Variants in KHDRBS2 observed in about 807,000 individuals in gnomAD.
KHDRBS2 encodes KH RNA binding domain containing, signal transduction associated 2.
In KHDRBS2, 26 loss-of-function variants were observed where a neutral mutation model predicts 44.3. The ratio of observed to expected loss-of-function variants is 0.59; its 90% confidence interval spans 0.43 to 0.81. The LOEUF is 0.81. Ranked by LOEUF, KHDRBS2 falls within the 40% of genes least tolerant of loss-of-function variation. The probability of loss-of-function intolerance (pLI) is 0.00; values close to 1 mark genes in which losing one functional copy is unlikely to be tolerated. For missense variants in KHDRBS2, 476 were observed against 433.1 expected (o/e 1.10, Z -0.88); for synonymous variants, 194 against 151.1 (o/e 1.28, Z -2.08).
At chr6:62,211,087 T>C (rs1293908515) in intron 1 of KHDRBS2, among the ~76,000 whole-genome samples, 2 of 152,096 alleles carry the variant, frequency 1.3e-5, no homozygotes, top group East Asian at 3.9e-4. Flanking sequence ...TGGGATACAA[T>C]ACACCAGAAA....
chr6:61,686,944 T>C (rs1220272274), intron 8 of KHDRBS2, among the ~76,000 whole-genome samples: 2 of 151,580 alleles, frequency 1.3e-5, no homozygotes, highest in Non-Finnish European at 3.0e-5. Flanking sequence ...TTAGCAAGAA[T>C]GTGGGCCGCT....
At chr6:62,244,978 AG>A (rs1401128653) in intron 1 of KHDRBS2, among the ~76,000 whole-genome samples, 1 of 152,110 alleles carries the variant, frequency 6.6e-6, no homozygotes, top group Non-Finnish European at 1.5e-5. Flanking sequence ...AAGAAGGTAA[AG>A]GTGACTTTCT....
intron 3 of KHDRBS2, among the ~76,000 whole-genome samples, chr6:61,988,527 AAC>A (rs1161984044): frequency 2.6e-5 from 4 of 151,864 alleles, no homozygotes; most frequent in African/African-American, 9.7e-5. Context: ...GTGCTTGGAA[AAC>A]AGTGTTGGAA....
chr6:61,707,861 T>A (rs1191677344), intron 7 of KHDRBS2, among the ~76,000 whole-genome samples: 1 of 151,708 alleles, frequency 6.6e-6, no homozygotes, highest in Non-Finnish European at 1.5e-5. Flanking sequence ...ATGGGAAAGA[T>A]AATATATTCT....
In KHDRBS2 at chr6:61,942,248, A is replaced by G. The variant is rs182805155; in HGVS notation, c.483+35818T>C. 6.2e-3 allele frequency among the ~76,000 whole-genome samples: 943 copies of G among 152,314 alleles called. 4 individuals carry two copies. The highest frequency in any genetic ancestry group is 9.7e-3 in the Non-Finnish European group (662 of 68,028). On this transcript the variant is annotated intron_variant, in intron 4 of 8. Transcript: ENST00000281156. ...AGTGCTGATAATATAGGTGTGAGCC[A>G]TCACACTTGGCCAGAATTAAAATTA...
chr6:62,030,778 G>A (rs1784205324), intron 3 of KHDRBS2, among the ~76,000 whole-genome samples: 1 of 152,002 alleles, frequency 6.6e-6, no homozygotes, highest in South Asian at 2.1e-4. Context: ...TTTAACTTTT[G>A]ATGAATAATT....
intron 2 of KHDRBS2, among the ~76,000 whole-genome samples, chr6:62,112,119 T>C (rs1315926746): frequency 6.6e-6 from 1 of 152,112 alleles, no homozygotes; most frequent in Non-Finnish European, 1.5e-5. Flanking sequence ...GGTGCCTCAA[T>C]GGAAAATAAA....
Position 62,242,270 on chromosome 6 carries a change from C to T in KHDRBS2, c.91+43588G>A, listed in dbSNP as rs79730167. Among the ~76,000 whole-genome samples the T allele has an allele frequency of 1.1e-3, 174 of 152,168 alleles. 1 individual carries two copies. Among genetic ancestry groups the T allele is most frequent in the Non-Finnish European group, 2.0e-3 (135 of 67,992 alleles). On this transcript the variant is annotated intron_variant, in intron 1 of 8. Coordinates refer to ENST00000281156, the MANE Select transcript of KHDRBS2 (RefSeq NM_152688.4). ...CTATCTATATCAGCCTAAAGCAGCC[C>T]GGACTATCAAAATCTTAAAATCAGG... is the stretch of plus-strand genomic sequence containing the variant.
chr6:62,027,545 T>G (rs1202305012), intron 3 of KHDRBS2, among the ~76,000 whole-genome samples: 2 of 152,080 alleles, frequency 1.3e-5, no homozygotes, highest in Admixed American at 6.6e-5. Flanking sequence ...CCCCTAAGGA[T>G]GAGGGGCTGA....
At chr6:61,719,575 T>A (rs903821549) in intron 7 of KHDRBS2, among the ~76,000 whole-genome samples, 2 of 152,024 alleles carry the variant, frequency 1.3e-5, no homozygotes, top group African/African-American at 4.8e-5. Context: ...GTATGTGAGT[T>A]CCCCTGGAAA....
At chr6:61,728,692 A>G (rs1044797115) in intron 7 of KHDRBS2, among the ~76,000 whole-genome samples, 2 of 152,182 alleles carry the variant, frequency 1.3e-5, no homozygotes, top group Admixed American at 6.6e-5. Context: ...TTTGCAGTAT[A>G]TGATTTCAAA....
intron 3 of KHDRBS2, among the ~76,000 whole-genome samples, chr6:62,018,365 T>C (rs1781626188): frequency 6.6e-6 from 1 of 151,444 alleles, no homozygotes; most frequent in African/African-American, 2.4e-5. Context: ...CACCCAAATA[T>C]TTTTTATCAA....
chr6:62,069,818 A>G (rs1794567379), intron 2 of KHDRBS2, among the ~76,000 whole-genome samples: 1 of 151,744 alleles, frequency 6.6e-6, no homozygotes, highest in South Asian at 2.1e-4. Context: ...CTCAATTGAG[A>G]ATGGTATCAT....
In KHDRBS2 at chr6:62,143,199, A is replaced by G. The variant is rs146085945; in HGVS notation, c.219+33986T>C. On this transcript the variant is annotated intron_variant, in intron 2 of 8. Transcript: ENST00000281156. The stretch of plus-strand genomic sequence containing the variant: ...TTTCAGTCTTCTGACAATAAAATTT[A>G]TGCAATACCAGTATGACATAAATTT... 3.9e-5 allele frequency among the ~76,000 whole-genome samples: 6 copies of G among 152,044 alleles called. No individual in the cohort carries two copies. In the East Asian group the frequency reaches 1.2e-3, roughly 29 times the overall value.
intron 6 of KHDRBS2, among the ~76,000 whole-genome samples, chr6:61,750,533 G>A (rs181000668): frequency 1.6e-3 from 247 of 152,170 alleles, no homozygotes; most frequent in African/African-American, 5.6e-3. Context: ...TACCAGCACC[G>A]TCAGTTTCGC....
At position 62,209,385 on chromosome 6, in the gene KHDRBS2, T is replaced by C. The variant is rs72870758; in HGVS notation, c.92-32073A>G. On this transcript the variant is annotated intron_variant, in intron 1 of 8. Coordinates refer to ENST00000281156, the MANE Select transcript of KHDRBS2 (RefSeq NM_152688.4). ...ATTTTGTTAAAGGAAATGAGCTTCA[T>C]TTTTGTGATTTACAGCCCATTTCTC... 8.2e-3 allele frequency among the ~76,000 whole-genome samples: 1,252 copies of C among 152,306 alleles called. 12 individuals are homozygous for C. Among genetic ancestry groups the C allele is most frequent in the Non-Finnish European group, 0.012 (802 of 68,020 alleles).
chr6:62,065,239 T>A (rs1043216310), intron 2 of KHDRBS2, among the ~76,000 whole-genome samples: 1 of 152,142 alleles, frequency 6.6e-6, no homozygotes, highest in Non-Finnish European at 1.5e-5. Context: ...TCCTCAGGGA[T>A]CTAGAACTAC....
intron 3 of KHDRBS2, among the ~76,000 whole-genome samples, chr6:61,983,225 T>TTTCTTTC (rs1297764033): frequency 1.1e-5 from 1 of 91,212 alleles, no homozygotes; most frequent in Non-Finnish European, 2.2e-5. Context: ...TCTTTCTTTC[T>TTTCTTTC]TTCTTTCTTT....
At chr6:62,270,864 GGCTCAAAGAGATTTAGAAATT>G (rs1230831753) in intron 1 of KHDRBS2, among the ~76,000 whole-genome samples, 15 of 152,234 alleles carry the variant, frequency 9.9e-5, no homozygotes, top group Admixed American at 6.5e-4. Flanking sequence ...AGGAAAGAAA[GGCTCAAAGAGATTTAGAAATT>G]GGCCCACTGT....
Sources: allele counts gnomAD v4.1 joint callset (sites outside exome capture counted in the v4.1 genomes callset), GRCh38; gene constraint gnomAD v4.1.1; transcripts MANE v1.5; gene names NCBI Gene and HGNC (gene_info 2026-07-23, HGNC 2026-07-21).